Variants in FAM184B observed in about 807,000 individuals in gnomAD.
The protein encoded by FAM184B is family with sequence similarity 184 member B, also known as protein FAM184B.
In FAM184B, 111 loss-of-function variants were observed where a neutral mutation model predicts 135.9. The observed-to-expected ratio is 0.82, with a 90% CI of 0.70 to 0.96. The LOEUF is 0.96. Among genes scored for constraint, FAM184B ranks in the 40% least tolerant of loss-of-function variants. The probability of loss-of-function intolerance (pLI) is 0.00; values close to 1 mark genes in which losing one functional copy is unlikely to be tolerated. For missense variants in FAM184B, 1,375 were observed against 1,323.9 expected, an observed-to-expected ratio of 1.04 and a Z score of -0.60; for synonymous variants, 552 against 524.8, an observed-to-expected ratio of 1.05 and a Z score of -0.71.
intron 2 of FAM184B, among the ~76,000 whole-genome samples, chr4:17,708,521 T>G (rs1717165940): frequency 6.6e-6 from 1 of 151,106 alleles, no homozygotes; most frequent in South Asian, 2.1e-4. Flanking sequence ...GGTGGGCACT[T>G]GTATTCCCAG....
chr4:17,735,905 G>C (rs527936222), intron 1 of FAM184B, among the ~76,000 whole-genome samples: 40 of 152,178 alleles, frequency 2.6e-4, no homozygotes, highest in Non-Finnish European at 5.1e-4. Flanking sequence ...CTTTATTAAG[G>C]ATGGGTGACT....
At chr4:17,661,467 G>A (rs1030803472) in intron 8 of FAM184B, among the ~76,000 whole-genome samples, 9 of 152,212 alleles carry the variant, frequency 5.9e-5, no homozygotes, top group East Asian at 1.9e-4. Flanking sequence ...CAGGAGAACC[G>A]CTTGGACTCA....
chr4:17,639,543 G>A (rs1715246590), intron 13 of FAM184B, 147 bp from the exon 14 acceptor site: 2 of 992,144 alleles, frequency 2.0e-6, no homozygotes, highest in Non-Finnish European at 2.9e-6. Context: ...GGGAAGAAGA[G>A]CTGAAGTCTC....
chr4:17,685,324 G>T (rs1464399829), intron 7 of FAM184B, among the ~76,000 whole-genome samples: 2 of 150,980 alleles, frequency 1.3e-5, no homozygotes, highest in Non-Finnish European at 2.9e-5. Flanking sequence ...GCCGAGGCAG[G>T]CGGATCATGA....
chr4:17,709,816 G>A (rs1717215822), intron 1 of FAM184B, among the ~76,000 whole-genome samples, 172 bp from the exon 2 acceptor site: 1 of 152,222 alleles, frequency 6.6e-6, no homozygotes, highest in Non-Finnish European at 1.5e-5. Context: ...AAGCCAGTGA[G>A]AGAGCTGCAA....
At chr4:17,744,757 G>C (rs954495434) in intron 1 of FAM184B, among the ~76,000 whole-genome samples, 25 of 151,914 alleles carry the variant, frequency 1.6e-4, no homozygotes, top group Non-Finnish European at 2.9e-4. Flanking sequence ...GCCACCAACT[G>C]CCCTAGTTCC....
intron 1 of FAM184B, among the ~76,000 whole-genome samples, chr4:17,769,242 C>T (rs893977731): frequency 4.0e-5 from 6 of 151,858 alleles, no homozygotes; most frequent in Admixed American, 3.9e-4. Flanking sequence ...ACAATAGTTA[C>T]ATATAATATA....
At chr4:17,759,634 A>G (rs1361234638) in intron 1 of FAM184B, among the ~76,000 whole-genome samples, 2 of 152,044 alleles carry the variant, frequency 1.3e-5, no homozygotes, top group African/African-American at 4.8e-5. Context: ...CTGAGATTAC[A>G]GACATCCACC....
At chr4:17,725,929 C>CTT (rs879336645) in intron 1 of FAM184B, among the ~76,000 whole-genome samples, 6 of 145,376 alleles carry the variant, frequency 4.1e-5, no homozygotes, top group Middle Eastern at 3.2e-3. Context: ...CAAAACTCTT[C>CTT]TTTTTTTTTT....
intron 1 of FAM184B, among the ~76,000 whole-genome samples, chr4:17,733,449 A>C (rs1309607945): frequency 6.6e-6 from 1 of 152,230 alleles, no homozygotes; most frequent in African/African-American, 2.4e-5. Context: ...GTCTCAGCCC[A>C]AAATCTCCTT....
At chr4:17,633,527 C>T (rs542496109) in intron 17 of FAM184B, 162 bp downstream of exon 17, 2 of 603,024 alleles carry the variant, frequency 3.3e-6, no homozygotes, top group East Asian at 6.3e-5. Context: ...TTTTGTATAA[C>T]CCATGCTGAA....
rs190120537 is a variant in FAM184B at position 17,739,540 on chromosome 4, T to C, written c.142-29896A>G. Among the ~76,000 whole-genome samples the C allele has an allele frequency of 4.3e-3, 617 of 142,398 alleles. 16 individuals carry two copies. The highest frequency in any genetic ancestry group is 0.041 in the Admixed American group (565 of 13,804). 93.4% of individuals were successfully genotyped at this position (142,398 alleles called of 152,430 possible). ...AGAGCCTGGCTGGCTCCCTACACCATATGTCATACCAACTGTTTTTTTTTT... is the reference window on the plus strand; with the variant it reads ...AGAGCCTGGCTGGCTCCCTACACCACATGTCATACCAACTGTTTTTTTTTT... On this transcript the variant is annotated intron_variant, in intron 1 of 17. Coordinates refer to ENST00000265018, the MANE Select transcript of FAM184B (RefSeq NM_015688.2).
At chr4:17,728,013 C>T (rs577503261) in intron 1 of FAM184B, among the ~76,000 whole-genome samples, 2 of 152,156 alleles carry the variant, frequency 1.3e-5, no homozygotes, top group South Asian at 4.2e-4. Context: ...CATGATGGCT[C>T]ATACTTGTAA....
rs1487717906 is a variant in FAM184B at position 17,659,995 on chromosome 4, T to A, written c.1787A>T (p.Glu596Val). The A allele has an allele frequency of 1.3e-6, 2 of 1,551,404 alleles. No homozygotes were observed. Among genetic ancestry groups the A allele is most frequent in the East Asian group, 4.9e-5 (2 of 40,920 alleles). The change falls in exon 9 of 18, where the codon GAG becomes GTG. Residue 596 changes from glutamate (E) to valine (V), a missense_variant. Coordinates refer to ENST00000265018, the MANE Select transcript of FAM184B (RefSeq NM_015688.2). ...EKTSKIQRLE[E>V]DWQSQKAKLQ... Reference sequence around the variant, plus strand: ...TTTGGCCTTCTGGCTTTGCCAGTCCTCCTCTAGACGCTGGATTTTGGATGT... The same window carrying A: ...TTTGGCCTTCTGGCTTTGCCAGTCCACCTCTAGACGCTGGATTTTGGATGT...
At chr4:17,714,879 C>T (rs1188535718) in intron 1 of FAM184B, among the ~76,000 whole-genome samples, 1 of 152,058 alleles carries the variant, frequency 6.6e-6, no homozygotes, top group African/African-American at 2.4e-5. Context: ...GTCTGGCAAC[C>T]AAAGTCCCCA....
chr4:17,661,680 G>T (rs1374727616), intron 8 of FAM184B, among the ~76,000 whole-genome samples: 3 of 152,194 alleles, frequency 2.0e-5, no homozygotes, highest in Admixed American at 2.0e-4. Context: ...CCTTTAAGGA[G>T]CAATGAAGCA....
At chr4:17,644,009 G>A (rs969650866) in intron 12 of FAM184B, among the ~76,000 whole-genome samples, 4 of 152,228 alleles carry the variant, frequency 2.6e-5, no homozygotes, top group South Asian at 2.1e-4. Context: ...GCCAGAGGGG[G>A]CCACTGTGTG....
chr4:17,659,431 G>A (rs1158340269), intron 9 of FAM184B, among the ~76,000 whole-genome samples: 1 of 151,700 alleles, frequency 6.6e-6, no homozygotes, highest in African/African-American at 2.4e-5. Flanking sequence ...ATTTTGTCTG[G>A]TTTGTGCATT....
rs940126254 is a variant in FAM184B at position 17,709,535 on chromosome 4, C to T, written c.251G>A (p.Arg84Lys). ...TGCGCAGCCCTGTTCCTGCAGGAGCCTGGCCTTGGTCTCTGCCACCGCATT... is the reference window on the plus strand; with the variant it reads ...TGCGCAGCCCTGTTCCTGCAGGAGCTTGGCCTTGGTCTCTGCCACCGCATT... ...LQNAVAETKARLLQEQGCAEE... is the reference protein window; with the variant it reads ...LQNAVAETKAKLLQEQGCAEE... Residue 84 changes from arginine (R) to lysine (K), a missense_variant, in exon 2 of 18, where the codon AGG (arginine) becomes AAG (lysine). By Grantham distance (26) the Arg-to-Lys change is conservative (BLOSUM62 2). Coordinates refer to ENST00000265018, the MANE Select transcript of FAM184B (RefSeq NM_015688.2). The T allele has an allele frequency of 1.3e-6, 2 of 1,551,026 alleles. No individual in the cohort carries two copies. Among genetic ancestry groups the T allele is most frequent in the Non-Finnish European group, 1.7e-6 (2 of 1,146,954 alleles).
Sources: allele counts gnomAD v4.1 joint callset (sites outside exome capture counted in the v4.1 genomes callset), GRCh38; gene constraint gnomAD v4.1.1; transcripts MANE v1.5; gene names NCBI Gene and HGNC (gene_info 2026-07-23, HGNC 2026-07-21).